Variants in EPB41L1 observed in about 807,000 individuals in gnomAD.
EPB41L1 encodes the protein band 4.1-like protein 1.
Under a neutral mutation model 97.8 loss-of-function variants are expected in EPB41L1, and 29 were observed. The ratio of observed to expected loss-of-function variants is 0.30; its 90% confidence interval spans 0.22 to 0.40. The LOEUF (loss-of-function observed/expected upper bound fraction) is 0.40, where lower values mean the gene tolerates loss of function less well. Among genes scored for constraint, EPB41L1 ranks in the 10% least tolerant of loss-of-function variants. The pLI, the probability that EPB41L1 is intolerant of heterozygous loss-of-function variation, is 1.00. For synonymous variants in EPB41L1, 383 were observed against 459.2 expected, an observed-to-expected ratio of 0.83 and a Z score of 2.12; for missense variants, 812 against 1,162.3, an observed-to-expected ratio of 0.70 and a Z score of 4.38.
chr20:36,150,154 G>A (rs967015446), upstream of EPB41L1, among the ~76,000 whole-genome samples: 3 of 149,872 alleles, frequency 2.0e-5, no homozygotes, highest in Non-Finnish European at 4.4e-5. Flanking sequence ...TACAACTTCC[G>A]CCTCTTGGGT....
intron 2 of EPB41L1, among the ~76,000 whole-genome samples, chr20:36,144,490 G>T (rs942704045): frequency 1.4e-4 from 21 of 152,158 alleles, no homozygotes; most frequent in Admixed American, 1.2e-3. Context: ...GAAAACCCAT[G>T]GGGCATCTCC....
intron 21 of EPB41L1, among the ~76,000 whole-genome samples, chr20:36,224,004 C>T (rs2063950037): frequency 6.6e-6 from 1 of 152,186 alleles, no homozygotes. Context: ...GAATGTTTCT[C>T]TTCCTTTGAT....
intron 2 of EPB41L1, among the ~76,000 whole-genome samples, chr20:36,125,159 C>A (rs1414306062): frequency 6.6e-6 from 1 of 151,980 alleles, no homozygotes; most frequent in East Asian, 1.9e-4. Flanking sequence ...GGGGACAAAC[C>A]CAGAGAGAGA....
At chr20:36,141,436 G>A (rs2059635352) in intron 2 of EPB41L1, among the ~76,000 whole-genome samples, 1 of 152,150 alleles carries the variant, frequency 6.6e-6, no homozygotes, top group Non-Finnish European at 1.5e-5. Flanking sequence ...CCGCTGTGAG[G>A]GCCTGTGTCA....
At chr20:36,163,918 A>G (rs2145705930) in intron 1 of EPB41L1, among the ~76,000 whole-genome samples, 1 of 152,178 alleles carries the variant, frequency 6.6e-6, no homozygotes, top group East Asian at 1.9e-4. Context: ...GTGCAGTAGC[A>G]TGATCTTGGC....
At chr20:36,165,402 T>C (rs966370821) in intron 1 of EPB41L1, among the ~76,000 whole-genome samples, 6 of 151,530 alleles carry the variant, frequency 4.0e-5, no homozygotes, top group Non-Finnish European at 8.8e-5. Flanking sequence ...GGAAACATGC[T>C]CAGAAAGAGG....
At chr20:36,096,559 T>G (rs145431083) in intron 1 of EPB41L1, among the ~76,000 whole-genome samples, 23 of 152,352 alleles carry the variant, frequency 1.5e-4, no homozygotes, top group African/African-American at 5.1e-4. Context: ...TAGCACACTC[T>G]TCCCCTGCTT....
In EPB41L1 at chr20:36,187,601, G is replaced by A. The variant is rs531518648; in HGVS notation, c.786-75G>A. 132 of 1,191,808 alleles carry A rather than the reference G, an allele frequency of 1.1e-4. No homozygotes were observed. In the African/African-American group the frequency reaches 1.9e-3, roughly 17 times the overall value. 73.8% of individuals were successfully genotyped at this position (1,191,808 alleles called of 1,614,324 possible). On this transcript the variant is annotated intron_variant, in intron 7 of 21. Transcript: ENST00000338074. ...ACTTTCTAGAATCATGGGTTCTGAT[G>A]GTGGGCACCTTTGGACAGCAGGACT...
intron 1 of EPB41L1, among the ~76,000 whole-genome samples, chr20:36,160,836 A>C (rs565701875): frequency 4.2e-4 from 64 of 152,272 alleles, no homozygotes; most frequent in Middle Eastern, 3.4e-3. Flanking sequence ...CTATCTCAAA[A>C]ATTTTTGCAA....
At chr20:36,174,649 C>T (rs2061148927) in intron 2 of EPB41L1, among the ~76,000 whole-genome samples, 1 of 151,086 alleles carries the variant, frequency 6.6e-6, no homozygotes, top group South Asian at 2.1e-4. Flanking sequence ...CTCCTGGGCT[C>T]GAGTGATCCT....
At position 36,232,518 on chromosome 20, in the gene EPB41L1, G is replaced by A. The variant is rs866606752; in HGVS notation, c.*3178G>A. Reference sequence around the variant, plus strand: ...TGTTTTCTCTGGATCTTTTCCATCTGAGGGTACAGGAAGTACCAGGACCTG... The same window carrying A: ...TGTTTTCTCTGGATCTTTTCCATCTAAGGGTACAGGAAGTACCAGGACCTG... On this transcript the variant is annotated 3_prime_UTR_variant, in exon 22 of 22. Coordinates refer to ENST00000338074, the MANE Select transcript of EPB41L1 (RefSeq NM_012156.2). 2 of 398,330 alleles carry A rather than the reference G, an allele frequency of 5.0e-6. No homozygotes were observed. The highest frequency in any genetic ancestry group is 4.1e-5 in the African/African-American group (2 of 48,572). The allele number at this position is 398,330 out of a possible 1,614,324, so 24.7% of individuals were successfully genotyped here. A position where few individuals can be genotyped will look rare whatever the true frequency, so the allele number is the denominator to read the frequency against.
At position 36,206,454 on chromosome 20, in the gene EPB41L1, C is replaced by T; in HGVS notation, c.1669-3034C>T. ...AGTTGAGCAATGAAACTGATACTTC[C>T]TTTGCAGAGAGGAGCTTCTATTTAA... On this transcript the variant is annotated intron_variant, in intron 14 of 21. Coordinates refer to ENST00000338074, the MANE Select transcript of EPB41L1 (RefSeq NM_012156.2). The surrounding 1 kb of genome is among the most constrained non-coding windows in gnomAD (Gnocchi z 5.5). 1 of 1,289,978 alleles carries T rather than the reference C, an allele frequency of 7.8e-7. No homozygotes were observed. Among genetic ancestry groups the T allele is most frequent in the Non-Finnish European group, 1.0e-6 (1 of 988,926 alleles). The allele number at this position is 1,289,978 out of a possible 1,614,324, so 79.9% of individuals were successfully genotyped here.
intron 1 of EPB41L1, among the ~76,000 whole-genome samples, chr20:36,162,967 G>A (rs1335617199): frequency 1.3e-5 from 2 of 152,180 alleles, no homozygotes; most frequent in Non-Finnish European, 2.9e-5. Context: ...GGTCTCAGAG[G>A]CAGCTCTCTC....
At position 36,101,799 on chromosome 20, in the gene EPB41L1, A is replaced by G. The variant is rs780453890; in HGVS notation, c.-65+10187A>G. ...TGAGGCAGGTGGATCACCTGAGGTC[A>G]GGGGTTCGAGACCAGCCTGACATGG... On this transcript the variant is annotated intron_variant, in intron 1 of 19. Transcript: ENST00000202028. Among the ~76,000 whole-genome samples the G allele has an allele frequency of 5.2e-4, 79 of 152,272 alleles. 1 individual carries two copies. The highest frequency in any genetic ancestry group is 1.2e-3 in the South Asian group (6 of 4,818).
chr20:36,221,855 C>T lies in EPB41L1; in HGVS notation c.2440-9C>T. On this transcript the variant is annotated splice_polypyrimidine_tract_variant and intron_variant, in intron 19 of 21. Transcript: ENST00000338074. ...CCAAGAGTGACCTCACCTCCCTCTC[C>T]CTCTGCAGACTGTGAAAGGAGGGTT... The T allele has an allele frequency of 1.9e-6, 3 of 1,613,998 alleles. No individual in the cohort carries two copies. The highest frequency in any genetic ancestry group is 2.5e-6 in the Non-Finnish European group (3 of 1,179,890).
In EPB41L1 at chr20:36,207,160, T is replaced by G; in HGVS notation, c.1669-2328T>G. ...TTCTCCAAGCCCAACCTCCCATGGG[T>G]CAGGGGAGCCTTCGGAGCTCAGGGA... On this transcript the variant is annotated intron_variant, in intron 14 of 21. Coordinates refer to ENST00000338074, the MANE Select transcript of EPB41L1 (RefSeq NM_012156.2). This position sits in a 1 kb window ranked among gnomAD's most constrained non-coding sequence, Gnocchi z 4.9. 7.8e-7 allele frequency: 1 copy of G among 1,289,196 alleles called. No individual in the cohort carries two copies. The highest frequency in any genetic ancestry group is 1.0e-6 in the Non-Finnish European group (1 of 988,424). 79.9% of individuals were successfully genotyped at this position (1,289,196 alleles called of 1,614,324 possible).
At chr20:36,130,787 T>TTC (rs35428172) in intron 2 of EPB41L1, among the ~76,000 whole-genome samples, 31,893 of 143,452 alleles carry the variant, frequency 0.22, 3,609 homozygotes, top group African/African-American at 0.3. Flanking sequence ...TTTTAAAAAT[T>TTC]TCTCTCTCTC....
intron 1 of EPB41L1, among the ~76,000 whole-genome samples, chr20:36,165,592 G>A (rs1241025893): frequency 6.6e-6 from 1 of 152,132 alleles, no homozygotes; most frequent in Non-Finnish European, 1.5e-5. Context: ...TTAGCTACTC[G>A]GGAGGCTGAG....
chr20:36,152,819 T>A, upstream of EPB41L1: 1 of 366,580 alleles, frequency 2.7e-6, no homozygotes, highest in Non-Finnish European at 5.4e-6. Context: ...CCTTGGGAGC[T>A]CCTGGGAAAA....
Sources: allele counts gnomAD v4.1 joint callset (sites outside exome capture counted in the v4.1 genomes callset), GRCh38; gene constraint gnomAD v4.1.1; non-coding constraint Gnocchi (gnomAD v3.1); transcripts MANE v1.5; gene names NCBI Gene and HGNC (gene_info 2026-07-23, HGNC 2026-07-21).